SLFN12L: variants seen among roughly 807,000 people sequenced by gnomAD.
The protein encoded by SLFN12L is schlafen family member 12-like.
SLFN12L carries 34 observed loss-of-function variants against 34.8 expected under a neutral mutation model. That is an observed-to-expected ratio of 0.98 (90% confidence interval 0.74 to 1.30). The LOEUF is 1.30. Among genes scored for constraint, SLFN12L ranks in the 50% most tolerant of loss-of-function variants. SLFN12L has a pLI of 0.00. For missense variants in SLFN12L, 703 were observed against 696.2 expected (o/e 1.01, Z -0.11); for synonymous variants, 259 against 247.5 (o/e 1.05, Z -0.44).
Position 35,502,053 on chromosome 17 carries a change from AAGAG to A in SLFN12L, c.86+20222_86+20225del, listed in dbSNP as rs555281101. On this transcript the variant is annotated intron_variant, in intron 2 of 4. Transcript: ENST00000628453. The stretch of plus-strand genomic sequence containing the variant: ...AGAGACAGAGGCAAAAGGAAAGTCA[AAGAG>A]AGAGAGAGAGACAGAAAGTCAAAGA... 6.6e-5 allele frequency among the ~76,000 whole-genome samples: 10 copies of A among 151,852 alleles called. 1 individual carries two copies. The highest frequency in any genetic ancestry group is 1.0e-4 in the Non-Finnish European group (7 of 67,876).
In SLFN12L at chr17:35,469,212, C is replaced by T. The variant is rs1475315571; in HGVS notation, c.*5711G>A. Among the ~76,000 whole-genome samples the T allele has an allele frequency of 1.3e-5, 2 of 149,504 alleles. No individual in the cohort carries two copies. Among genetic ancestry groups the T allele is most frequent in the African/African-American group, 5.0e-5 (2 of 40,340 alleles). Reference sequence around the variant, plus strand: ...CCACTCCTCCTTGGTTATACACACACGCTAGTCTACACATGCATTATTAAT... The same window carrying T: ...CCACTCCTCCTTGGTTATACACACATGCTAGTCTACACATGCATTATTAAT... On this transcript the variant is annotated 3_prime_UTR_variant, in exon 5 of 5. Coordinates refer to ENST00000628453, the MANE Select transcript of SLFN12L (RefSeq NM_001363830.2).
rs1439763124 is a variant in SLFN12L, at chr17:35,471,421, G to A, written c.*3502C>T. ...CAAAGTGCTGGGATTACAGGCATGAGCCACCGCGCCACGCCTGCATGTATC... is the reference window on the plus strand; with the variant it reads ...CAAAGTGCTGGGATTACAGGCATGAACCACCGCGCCACGCCTGCATGTATC... On this transcript the variant is annotated 3_prime_UTR_variant, in exon 5 of 5. Transcript: ENST00000628453. Among the ~76,000 whole-genome samples, 1 of 152,170 alleles carries A rather than the reference G, an allele frequency of 6.6e-6. No individual in the cohort carries two copies. The highest frequency in any genetic ancestry group is 1.5e-5 in the Non-Finnish European group (1 of 68,040).
intron 2 of SLFN12L, among the ~76,000 whole-genome samples, chr17:35,481,917 A>G (rs1239845020): frequency 2.0e-5 from 3 of 152,022 alleles, no homozygotes; most frequent in African/African-American, 4.8e-5. Context: ...CTGGAGTGCA[A>G]TGGCACAATC....
In SLFN12L at chr17:35,471,485, C is replaced by T. The variant is rs1913807993; in HGVS notation, c.*3438G>A. Among the ~76,000 whole-genome samples the T allele has an allele frequency of 6.6e-6, 1 of 152,060 alleles. No individual in the cohort carries two copies. The highest frequency in any genetic ancestry group is 2.1e-4 in the South Asian group (1 of 4,812). ...GATTTACATTCCTTTGGGTATATAC[C>T]CAGTAATGGGATTCCTGGGTCAAAT... On this transcript the variant is annotated 3_prime_UTR_variant, in exon 5 of 5. Coordinates refer to ENST00000628453, the MANE Select transcript of SLFN12L (RefSeq NM_001363830.2).
chr17:35,530,803 C>T (rs2072404351), intron 1 of SLFN12L, among the ~76,000 whole-genome samples: 1 of 152,156 alleles, frequency 6.6e-6, no homozygotes. Context: ...CCTGCACAAT[C>T]ACTTTTTTCT....
intron 1 of SLFN12L, among the ~76,000 whole-genome samples, chr17:35,534,418 A>G (rs937409545): frequency 2.6e-5 from 4 of 152,328 alleles, no homozygotes; most frequent in South Asian, 2.1e-4. Context: ...AAGACACAGC[A>G]TCAGATGAAC....
intron 2 of SLFN12L, among the ~76,000 whole-genome samples, chr17:35,507,056 C>T (rs978352811): frequency 6.6e-6 from 1 of 152,234 alleles, no homozygotes; most frequent in Non-Finnish European, 1.5e-5. Context: ...CAGGACTGGA[C>T]AGCCCCCACT....
intron 1 of SLFN12L, among the ~76,000 whole-genome samples, chr17:35,529,558 G>A (rs2072370445): frequency 6.6e-6 from 1 of 152,140 alleles, no homozygotes; most frequent in Non-Finnish European, 1.5e-5. Flanking sequence ...CATGGATGAA[G>A]CTGGAAACCA....
intron 2 of SLFN12L, among the ~76,000 whole-genome samples, chr17:35,503,013 G>A (rs1004990549): frequency 2.0e-5 from 3 of 152,134 alleles, no homozygotes; most frequent in Non-Finnish European, 2.9e-5. Flanking sequence ...AAGTGTGTTA[G>A]AAAAAGAATT....
At chr17:35,509,294 A>G (rs934745594) in intron 2 of SLFN12L, among the ~76,000 whole-genome samples, 1 of 152,228 alleles carries the variant, frequency 6.6e-6, no homozygotes, top group South Asian at 2.1e-4. Flanking sequence ...TCAAGAAAAG[A>G]GCAAAAGATG....
At chr17:35,503,323 A>G (rs769920528) in intron 2 of SLFN12L, among the ~76,000 whole-genome samples, 6 of 152,224 alleles carry the variant, frequency 3.9e-5, no homozygotes, top group Non-Finnish European at 8.8e-5. Context: ...TAAAAACACA[A>G]CAGGTTTCTC....
At position 35,529,756 on chromosome 17, in the gene SLFN12L, G is replaced by A. The variant is rs537316379; in HGVS notation, c.-605-6787C>T. On this transcript the variant is annotated intron_variant, in intron 1 of 4. Coordinates refer to ENST00000628453, the MANE Select transcript of SLFN12L (RefSeq NM_001363830.2). ...AATACCTAATGTGGGTGACGGGTTGGTGGGTGCAGCAAACCACCATGGCAT... is the reference window on the plus strand; with the variant it reads ...AATACCTAATGTGGGTGACGGGTTGATGGGTGCAGCAAACCACCATGGCAT... Among the ~76,000 whole-genome samples the A allele has an allele frequency of 2.0e-5, 3 of 152,124 alleles. No homozygotes were observed. The South Asian group carries it at 6.2e-4, about 32-fold the overall frequency.
At position 35,475,345 on chromosome 17, in the gene SLFN12L, A is replaced by C. The variant is rs747825131; in HGVS notation, c.1417T>G (p.Leu473Val). Residue 473 changes from leucine to valine, a missense_variant, in exon 5 of 5, where the codon TTG (leucine) becomes GTG (valine). Coordinates refer to ENST00000628453, the MANE Select transcript of SLFN12L (RefSeq NM_001363830.2). Reference protein sequence around the residue: ...GSLIFSRSWSLDLGLQENHKV... With the variant: ...GSLIFSRSWSVDLGLQENHKV... The stretch of plus-strand genomic sequence containing the variant: ...TGGTTCTCTTGCAAGCCCAGATCCA[A>C]AGACCAGCTCCTAGAGAAGATCAGT... 9.3e-6 allele frequency: 15 copies of C among 1,614,112 alleles called. No individual in the cohort carries two copies. Among genetic ancestry groups the C allele is most frequent in the African/African-American group, 4.0e-5 (3 of 74,932 alleles).
In SLFN12L at chr17:35,537,614, G is replaced by C. The variant is rs2072474705; in HGVS notation, c.-647C>G. 6.6e-6 allele frequency: 1 copy of C among 152,262 alleles called. No individual in the cohort carries two copies. Among genetic ancestry groups the C allele is most frequent in the South Asian group, 2.1e-4 (1 of 4,824 alleles). The allele number at this position is 152,262 out of a possible 1,614,324, so 9.4% of individuals were successfully genotyped here. On this transcript the variant is annotated 5_prime_UTR_variant, in exon 1 of 5. The change creates a new upstream start codon in the 5' untranslated region. Transcript: ENST00000628453. The stretch of plus-strand genomic sequence containing the variant: ...TTCCACAGGGTTGAGATGCTGAAAA[G>C]ATGAGAAAGTTCCAGGAGCTCTGAT...
chr17:35,485,989 C>A (rs951304164), intron 2 of SLFN12L, among the ~76,000 whole-genome samples: 1 of 152,150 alleles, frequency 6.6e-6, no homozygotes, highest in African/African-American at 2.4e-5. Flanking sequence ...TATTCAGGCT[C>A]TTTTTTGGTT....
chr17:35,516,459 C>G (rs1915832560), intron 2 of SLFN12L, among the ~76,000 whole-genome samples: 1 of 152,204 alleles, frequency 6.6e-6, no homozygotes, highest in South Asian at 2.1e-4. Flanking sequence ...TTTTGTAGTA[C>G]AGGATTTGTC....
At chr17:35,511,098 A>T (rs1915628234) in intron 2 of SLFN12L, among the ~76,000 whole-genome samples, 1 of 152,210 alleles carries the variant, frequency 6.6e-6, no homozygotes, top group Non-Finnish European at 1.5e-5. Context: ...GTATACATTT[A>T]ACTAAAGATT....
At position 35,475,592 on chromosome 17, in the gene SLFN12L, T is replaced by C. The variant is rs567889645; in HGVS notation, c.1277-107A>G. ...TTAATTCTCCCACCAAAAGCAACTATAAAAGCTATGTAAAAGTGTATCAGG... is the reference window on the plus strand; with the variant it reads ...TTAATTCTCCCACCAAAAGCAACTACAAAAGCTATGTAAAAGTGTATCAGG... On this transcript the variant is annotated intron_variant, in intron 4 of 4. Transcript: ENST00000628453. 90 of 1,437,022 alleles carry C rather than the reference T, an allele frequency of 6.3e-5. No individual in the cohort carries two copies. In the African/African-American group the frequency reaches 1.3e-3, roughly 20 times the overall value. 89.0% of individuals were successfully genotyped at this position (1,437,022 alleles called of 1,614,324 possible).
chr17:35,475,213 C>T lies in SLFN12L; in HGVS notation c.1549G>A (p.Ala517Thr). 1 of 1,614,066 alleles carries T rather than the reference C, an allele frequency of 6.2e-7. No individual in the cohort carries two copies. The highest frequency in any genetic ancestry group is 8.5e-7 in the Non-Finnish European group (1 of 1,180,018). The change falls in exon 5 of 5, where the codon GCC (alanine) becomes ACC (threonine). Residue 517 changes from alanine (A) to threonine (T), a missense_variant. Transcript: ENST00000628453. Reference protein sequence around the residue: ...EEFKDYSTQTAQTLKQKLAKI... With the variant: ...EEFKDYSTQTTQTLKQKLAKI... ...GCCAGCTTCTGTTTTAAAGTTTGGG[C>T]AGTTTGTGTAGAATAGTCTTTAAAC...
Sources: gnomAD v4.1 joint callset for allele counts (sites outside exome capture counted in the v4.1 genomes callset) on GRCh38, gnomAD v4.1.1 for gene constraint, MANE v1.5 for transcripts, NCBI Gene and HGNC (gene_info 2026-07-23, HGNC 2026-07-21) for gene names.